Variants in KCNH1 observed in about 807,000 individuals in gnomAD.
KCNH1 encodes the protein potassium voltage-gated channel subfamily H member 1, also known as voltage-gated delayed rectifier potassium channel KCNH1.
KCNH1 carries 27 observed loss-of-function variants against 69.2 expected under a neutral mutation model. That is an observed-to-expected ratio of 0.39 (90% CI 0.29 to 0.54). The LOEUF is 0.54. Among genes scored for constraint, KCNH1 ranks in the 20% least tolerant of loss-of-function variants. KCNH1 has a pLI of 0.68. For missense variants in KCNH1, 798 were observed against 1,261.6 expected (o/e 0.63, Z 5.57); for synonymous variants, 456 against 487.7 (o/e 0.93, Z 0.86).
chr1:210,848,959 A>G (rs1054378561), intron 7 of KCNH1, among the ~76,000 whole-genome samples: 3 of 152,210 alleles, frequency 2.0e-5, no homozygotes, highest in Admixed American at 1.3e-4. Flanking sequence ...AAAGAAATGT[A>G]CACAACTAAT....
At chr1:210,687,899 G>A (rs1278526800) in intron 10 of KCNH1, among the ~76,000 whole-genome samples, 2 of 152,254 alleles carry the variant, frequency 1.3e-5, no homozygotes, top group East Asian at 1.9e-4. Context: ...TCCTGGGAAC[G>A]ATGGGCATGA....
intron 8 of KCNH1, among the ~76,000 whole-genome samples, chr1:210,798,585 G>A (rs1684369423): frequency 6.6e-6 from 1 of 152,152 alleles, no homozygotes; most frequent in Admixed American, 6.5e-5. Context: ...TTTTGAGCAG[G>A]AGAATGTCAT....
chr1:210,836,878 G>T (rs1158096446), intron 7 of KCNH1, among the ~76,000 whole-genome samples: 4 of 152,268 alleles, frequency 2.6e-5, no homozygotes, highest in Admixed American at 1.3e-4. Context: ...CACTGCTTCA[G>T]ATTAGGACCC....
At chr1:210,996,043 G>A (rs1316201491) in intron 6 of KCNH1, among the ~76,000 whole-genome samples, 1 of 152,234 alleles carries the variant, frequency 6.6e-6, no homozygotes, top group Admixed American at 6.5e-5. Context: ...CTGGTCTACA[G>A]CTCCCAGCGT....
At position 211,031,574 on chromosome 1, in the gene KCNH1, G is replaced by C. The variant is rs558653638; in HGVS notation, c.559-12318C>G. Among the ~76,000 whole-genome samples the C allele has an allele frequency of 5.1e-4, 77 of 152,230 alleles. 1 individual carries two copies. In the South Asian group the frequency reaches 6.8e-3, roughly 14 times the overall value. On this transcript the variant is annotated intron_variant, in intron 5 of 10. Transcript: ENST00000271751. ...TGATCATGAAACCATGATCAAGTGGGCTTCATCCCTGGAATGCAAGGCGGG... is the reference window on the plus strand; with the variant it reads ...TGATCATGAAACCATGATCAAGTGGCCTTCATCCCTGGAATGCAAGGCGGG...
intron 2 of KCNH1, 78 bp downstream of exon 2, chr1:211,107,176 C>A: frequency 6.5e-7 from 1 of 1,532,292 alleles, no homozygotes; most frequent in South Asian, 1.2e-5. Context: ...AGGCAATTCC[C>A]GAATGCAGTA....
At chr1:210,949,330 G>A (rs542062727) in intron 6 of KCNH1, among the ~76,000 whole-genome samples, 3 of 152,210 alleles carry the variant, frequency 2.0e-5, no homozygotes, top group Admixed American at 1.3e-4. Context: ...CTCAGCTTTG[G>A]CATTTCAAGT....
rs182219515 is a variant in KCNH1, at chr1:211,001,512, C to A, written c.1032+17271G>T. On this transcript the variant is annotated intron_variant, in intron 6 of 10. Transcript: ENST00000271751. ...TGGCGATCATTAAAAAGTCAGGAAA[C>A]AACAGGTGCTGGAGAGGATGTGGAG... is the stretch of plus-strand genomic sequence containing the variant. Among the ~76,000 whole-genome samples, 750 of 152,262 alleles carry A rather than the reference C, an allele frequency of 4.9e-3. 5 individuals carry two copies. The highest frequency in any genetic ancestry group is 0.017 in the African/African-American group (710 of 41,550).
intron 3 of KCNH1, among the ~76,000 whole-genome samples, chr1:211,101,160 T>G (rs1691250044): frequency 6.6e-6 from 1 of 152,186 alleles, no homozygotes; most frequent in Non-Finnish European, 1.5e-5. Context: ...TCAAAGCCCT[T>G]ATGGCTCTGT....
intron 6 of KCNH1, among the ~76,000 whole-genome samples, chr1:210,981,391 A>AAAAG (rs1420174428): frequency 1.3e-5 from 2 of 151,422 alleles, no homozygotes; most frequent in Non-Finnish European, 2.9e-5. Context: ...AAAAAAAAAA[A>AAAAG]AGAATCATCC....
chr1:210,695,381 T>C, intron 10 of KCNH1, among the ~76,000 whole-genome samples: 1 of 152,254 alleles, frequency 6.6e-6, no homozygotes, highest in Admixed American at 6.5e-5. Context: ...ACTTGAGTTC[T>C]TGGTATATAG....
At chr1:210,993,668 T>C (rs1274212310) in intron 6 of KCNH1, among the ~76,000 whole-genome samples, 1 of 152,240 alleles carries the variant, frequency 6.6e-6, no homozygotes, top group Non-Finnish European at 1.5e-5. Flanking sequence ...TTGTGCTCCC[T>C]TTTCTATATA....
intron 7 of KCNH1, among the ~76,000 whole-genome samples, chr1:210,809,014 G>A (rs55809603): frequency 0.3 from 44,890 of 151,848 alleles, 7,569 homozygotes; most frequent in Non-Finnish European, 0.39. Flanking sequence ...CCAACCTCAA[G>A]GCAAAATGCT....
intron 1 of KCNH1, among the ~76,000 whole-genome samples, chr1:211,109,156 A>G (rs527904933): frequency 6.6e-6 from 1 of 152,326 alleles, no homozygotes; most frequent in African/African-American, 2.4e-5. Flanking sequence ...AAATTAAAAT[A>G]TGGTCACTGT....
At chr1:210,965,828 A>G (rs1688389383) in intron 6 of KCNH1, among the ~76,000 whole-genome samples, 1 of 152,196 alleles carries the variant, frequency 6.6e-6, no homozygotes, top group Non-Finnish European at 1.5e-5. Flanking sequence ...GATAGATTCA[A>G]TGCTATCCCC....
At chr1:211,111,161 C>T (rs1235402092) in intron 1 of KCNH1, among the ~76,000 whole-genome samples, 1 of 152,136 alleles carries the variant, frequency 6.6e-6, no homozygotes, top group Non-Finnish European at 1.5e-5. Flanking sequence ...ATTTCAAGCT[C>T]CAGATATCAC....
chr1:210,961,658 T>C (rs1688297110), intron 6 of KCNH1, among the ~76,000 whole-genome samples: 1 of 152,028 alleles, frequency 6.6e-6, no homozygotes, highest in African/African-American at 2.4e-5. Context: ...CTGACCAACA[T>C]GGAGAAACCC....
At chr1:210,896,370 A>G (rs1476767143) in intron 7 of KCNH1, among the ~76,000 whole-genome samples, 1 of 152,220 alleles carries the variant, frequency 6.6e-6, no homozygotes, top group Non-Finnish European at 1.5e-5. Flanking sequence ...AGAAGTGACC[A>G]GGCTGTAGAC....
intron 10 of KCNH1, among the ~76,000 whole-genome samples, chr1:210,684,809 AC>A (rs1681372367): frequency 6.6e-6 from 1 of 152,146 alleles, no homozygotes; most frequent in Non-Finnish European, 1.5e-5. Context: ...TAACAATAAT[AC>A]CCATCACTTG....
Sources: allele counts gnomAD v4.1 joint callset (sites outside exome capture counted in the v4.1 genomes callset), GRCh38; gene constraint gnomAD v4.1.1; transcripts MANE v1.5; gene names NCBI Gene and HGNC (gene_info 2026-07-23, HGNC 2026-07-21).